The following CHD6 variants were observed in gnomAD, a reference collection of about 807,000 sequenced individuals.
The protein encoded by CHD6 is chromodomain helicase DNA binding protein 6, also known as ATP-dependent chromatin remodeler CHD6.
In CHD6, 50 loss-of-function variants were observed where a neutral mutation model predicts 276.9. The ratio of observed to expected loss-of-function variants is 0.18; its 90% CI spans 0.14 to 0.23. The LOEUF (loss-of-function observed/expected upper bound fraction) is 0.23, where lower values mean the gene tolerates loss of function less well. Ranked by LOEUF, CHD6 falls within the 10% of genes least tolerant of loss-of-function variation. The pLI, the probability that CHD6 is intolerant of heterozygous loss-of-function variation, is 1.00. For missense variants in CHD6, 2,564 were observed against 3,365.8 expected, an observed-to-expected ratio of 0.76 and a Z score of 5.89; for synonymous variants, 1,173 against 1,229.3, an observed-to-expected ratio of 0.95 and a Z score of 0.96.
intron 8 of CHD6, among the ~76,000 whole-genome samples, chr20:41,496,085 A>G (rs1474808187): frequency 6.6e-6 from 1 of 152,226 alleles, no homozygotes; most frequent in African/African-American, 2.4e-5. Flanking sequence ...AGCATTTAGG[A>G]ATGAAAAGGG....
intron 5 of CHD6, among the ~76,000 whole-genome samples, chr20:41,506,419 A>G (rs1258921761): frequency 6.6e-6 from 1 of 152,086 alleles, no homozygotes; most frequent in African/African-American, 2.4e-5. Context: ...GACTTTGTAT[A>G]GACTATTCCC....
intron 27 of CHD6, among the ~76,000 whole-genome samples, chr20:41,433,180 G>T (rs1385988928): frequency 2.0e-5 from 3 of 152,088 alleles, no homozygotes; most frequent in Admixed American, 6.5e-5. Context: ...GGAGAAAGAG[G>T]ACAGGGCAGA....
At chr20:41,558,016 G>A (rs2045259462) in intron 1 of CHD6, among the ~76,000 whole-genome samples, 1 of 152,188 alleles carries the variant, frequency 6.6e-6, no homozygotes, top group Admixed American at 6.5e-5. Flanking sequence ...TCTGGGAAGA[G>A]TGAGATAATC....
chr20:41,606,923 C>T (rs2045836093), intron 1 of CHD6, among the ~76,000 whole-genome samples: 1 of 152,192 alleles, frequency 6.6e-6, no homozygotes, highest in African/African-American at 2.4e-5. Flanking sequence ...TTGAGCACCA[C>T]TCAACCAACC....
At chr20:41,599,787 G>A (rs904183308) in intron 1 of CHD6, among the ~76,000 whole-genome samples, 2 of 152,110 alleles carry the variant, frequency 1.3e-5, no homozygotes, top group Non-Finnish European at 2.9e-5. Context: ...TCTATAACTA[G>A]CAAATCTCTG....
At chr20:41,522,789 G>C (rs1428074158) in intron 3 of CHD6, among the ~76,000 whole-genome samples, 1 of 152,054 alleles carries the variant, frequency 6.6e-6, no homozygotes, top group Non-Finnish European at 1.5e-5. Flanking sequence ...TACTGTGTTT[G>C]GCATCTTTTC....
chr20:41,481,973 T>C (rs749195081), intron 16 of CHD6, among the ~76,000 whole-genome samples: 3 of 151,280 alleles, frequency 2.0e-5, no homozygotes, highest in Non-Finnish European at 4.4e-5. Flanking sequence ...GAATGGGGAG[T>C]TGTGCAGGTG....
At chr20:41,487,635 G>C (rs2043449514) in intron 14 of CHD6, 30 bp downstream of exon 14, 2 of 1,580,648 alleles carry the variant, frequency 1.3e-6, no homozygotes, top group African/African-American at 1.4e-5. Context: ...CGATCACACT[G>C]TCTCCTCAAT....
At position 41,493,541 on chromosome 20, in the gene CHD6, A is replaced by G. The variant is rs1555794968; in HGVS notation, c.1311T>C (p.His437=). 3 of 1,613,752 alleles carry G rather than the reference A, an allele frequency of 1.9e-6. No homozygotes were observed. The highest frequency in any genetic ancestry group is 3.3e-5 in the Admixed American group (2 of 60,004). The change falls in exon 10 of 37, where the codon CAT becomes CAC. Residue 437 remains histidine, a synonymous_variant. Coordinates refer to ENST00000373233, the MANE Select transcript of CHD6 (RefSeq NM_032221.5). ...GAGAGAGACAAAACTACTTTACCAC[A>G]TGCTTAATTTCAGGGAGAACTTGAA... ...ESLQVLPEIK[H]VERPASDSWQ...
chr20:41,597,171 C>T (rs2045726327), intron 1 of CHD6, among the ~76,000 whole-genome samples: 1 of 152,036 alleles, frequency 6.6e-6, no homozygotes, highest in South Asian at 2.1e-4. Context: ...GAAGTCATCC[C>T]ACTTACGGCC....
At position 41,534,383 on chromosome 20, in the gene CHD6, G is replaced by C. The variant is rs1449902193; in HGVS notation, c.34-813C>G. Among the ~76,000 whole-genome samples the C allele has an allele frequency of 2.0e-5, 3 of 152,226 alleles. No individual in the cohort carries two copies. In the East Asian group the frequency reaches 5.8e-4, roughly 29 times the overall value. Reference sequence around the variant, plus strand: ...AAGGGCACAGACAGTTGCCCAGGTGGCATGGTTTCCCTTCAGTATGCTGGT... The same window carrying C: ...AAGGGCACAGACAGTTGCCCAGGTGCCATGGTTTCCCTTCAGTATGCTGGT... On this transcript the variant is annotated intron_variant, in intron 2 of 36. Coordinates refer to ENST00000373233, the MANE Select transcript of CHD6 (RefSeq NM_032221.5).
chr20:41,486,178 G>A (rs2043409836), intron 14 of CHD6: 1 of 152,110 alleles, frequency 6.6e-6, no homozygotes, highest in Non-Finnish European at 1.5e-5. Context: ...TAAAGATAGG[G>A]ACAAATGTCA....
In CHD6 at chr20:41,504,077, C is replaced by CAAAAAAAAAAAAAAAAAAAAA. The variant is rs1189323419; in HGVS notation, c.853-4741_853-4721dup. On this transcript the variant is annotated intron_variant, in intron 5 of 36. Coordinates refer to ENST00000373233, the MANE Select transcript of CHD6 (RefSeq NM_032221.5). ...TGGGTGATAGAGTGAGACTCTGTCT[C>CAAAAAAAAAAAAAAAAAAAAA]AAAAAAAAAAAAAAAAAAAAAAAAA... 1.0e-3 allele frequency among the ~76,000 whole-genome samples: 27 copies of CAAAAAAAAAAAAAAAAAAAAA among 27,094 alleles called. 1 individual carries two copies. The highest frequency in any genetic ancestry group is 4.4e-3 in the East Asian group (3 of 678). The allele number at this position is 27,094 out of a possible 152,430, so 17.8% of individuals were successfully genotyped here.
At chr20:41,533,978 G>A (rs2044759405) in intron 2 of CHD6, among the ~76,000 whole-genome samples, 2 of 152,164 alleles carry the variant, frequency 1.3e-5, no homozygotes, top group African/African-American at 2.4e-5. Flanking sequence ...AGGTGCTCAA[G>A]GCATCCCTAA....
chr20:41,538,755 T>C (rs1478407465), intron 2 of CHD6, among the ~76,000 whole-genome samples: 1 of 152,170 alleles, frequency 6.6e-6, no homozygotes, highest in Admixed American at 6.5e-5. Context: ...AGTAGCAACA[T>C]GTAGTGAATT....
chr20:41,543,121 G>A (rs78133826), intron 2 of CHD6, among the ~76,000 whole-genome samples: 1 of 149,392 alleles, frequency 6.7e-6, no homozygotes, highest in South Asian at 2.1e-4. Flanking sequence ...AAAAAAAAAG[G>A]ATGTCAATAA....
chr20:41,602,908 C>A (rs1358752859), intron 1 of CHD6, among the ~76,000 whole-genome samples: 4 of 152,092 alleles, frequency 2.6e-5, no homozygotes, highest in Non-Finnish European at 2.9e-5. Flanking sequence ...GTCTCGAACT[C>A]CTGGGCTCAC....
chr20:41,439,883 G>C, intron 26 of CHD6, 117 bp downstream of exon 26: 1 of 1,037,248 alleles, frequency 9.6e-7, no homozygotes, highest in South Asian at 1.5e-5. Flanking sequence ...AGTGTGGCAA[G>C]GTGTAGGGAG....
At chr20:41,496,901 ATTTG>A (rs760603023) in intron 8 of CHD6, 26 of 162,416 alleles carry the variant, frequency 1.6e-4, no homozygotes, top group Admixed American at 2.3e-4. Flanking sequence ...AGCATTATAG[ATTTG>A]TTTAATATTA....
Sources: allele counts gnomAD v4.1 joint callset (sites outside exome capture counted in the v4.1 genomes callset), GRCh38; gene constraint gnomAD v4.1.1; transcripts MANE v1.5; gene names NCBI Gene and HGNC (gene_info 2026-07-23, HGNC 2026-07-21).